Variants in NFE2L1 observed in about 807,000 individuals in gnomAD.
NFE2L1 encodes the protein NFE2 like bZIP transcription factor 1.
NFE2L1 carries 18 observed loss-of-function variants against 61.6 expected under a neutral mutation model. That is an observed-to-expected ratio of 0.29 (90% CI 0.20 to 0.43). The LOEUF is 0.43. Ranked by LOEUF, NFE2L1 falls within the 20% of genes least tolerant of loss-of-function variation. NFE2L1 has a pLI of 1.00. For missense variants in NFE2L1, 827 were observed against 973.5 expected (o/e 0.85, Z 2.00); for synonymous variants, 419 against 402.7 (o/e 1.04, Z -0.48).
chr17:48,060,042 C>CG lies in NFE2L1; in HGVS notation c.*401_*402insG, dbSNP rs1001314532. 1 of 146,712 alleles carries CG rather than the reference C, an allele frequency of 6.8e-6. No individual in the cohort carries two copies. The highest frequency in any genetic ancestry group is 1.5e-5 in the Non-Finnish European group (1 of 68,758). 9.1% of individuals were successfully genotyped at this position (146,712 alleles called of 1,614,324 possible). A position where few individuals can be genotyped will look rare whatever the true frequency, so the allele number is the denominator to read the frequency against. ...AGAAGGAAGGAAGGAAGGAACCCCC[C>CG]CCCCCCCGAAAAAAAAATCAAAGCG... On this transcript the variant is annotated 3_prime_UTR_variant, in exon 6 of 6. Transcript: ENST00000362042.
At position 48,055,626 on chromosome 17, in the gene NFE2L1, G is replaced by A. The variant is rs147114188; in HGVS notation, c.511-760G>A. On this transcript the variant is annotated intron_variant, in intron 2 of 5. Coordinates refer to ENST00000362042, the MANE Select transcript of NFE2L1 (RefSeq NM_003204.3). ...GTAGGGGACACAGTGAGGCTGGCCC[G>A]AGCAGGGGGTGGGGTGCACCCCTGG... Among the ~76,000 whole-genome samples, 127 of 152,068 alleles carry A rather than the reference G, an allele frequency of 8.4e-4. 3 individuals carry two copies. The East Asian group carries it at 0.019, about 23-fold the overall frequency.
chr17:48,051,769 G>T, intron 2 of NFE2L1, 141 bp downstream of exon 2: 1 of 1,069,632 alleles, frequency 9.3e-7, no homozygotes, highest in Admixed American at 2.8e-5. Flanking sequence ...GGGTAGGGAT[G>T]GGCTGAACTT....
chr17:48,052,329 T>G (rs1219789577), intron 2 of NFE2L1, among the ~76,000 whole-genome samples: 2 of 152,176 alleles, frequency 1.3e-5, no homozygotes, highest in Non-Finnish European at 2.9e-5. Flanking sequence ...AGCGATGCAG[T>G]TCTTTGCCTT....
intron 2 of NFE2L1, among the ~76,000 whole-genome samples, chr17:48,052,169 T>C (rs1006067114): frequency 6.6e-6 from 1 of 152,112 alleles, no homozygotes; most frequent in African/African-American, 2.4e-5. Context: ...GCTTCCAATC[T>C]TTGCAAAAGG....
At chr17:48,054,964 C>A in intron 2 of NFE2L1, 1 of 1,470,962 alleles carries the variant, frequency 6.8e-7, no homozygotes, top group Non-Finnish European at 9.0e-7. Flanking sequence ...GAGCTCCTTG[C>A]AGCCCCCTGT....
At position 48,060,971 on chromosome 17, in the gene NFE2L1, C is replaced by G. The variant is rs1373163962; in HGVS notation, c.*1330C>G. 1.3e-5 allele frequency: 2 copies of G among 152,652 alleles called. No individual in the cohort carries two copies. The highest frequency in any genetic ancestry group is 2.9e-5 in the Non-Finnish European group (2 of 68,048). The allele number at this position is 152,652 out of a possible 1,614,324, so 9.5% of individuals were successfully genotyped here. ...AACTGTGTGAACACTTGGGATTTTT[C>G]TCCTCTGTCCCGAGGTCGTCGTCTG... On this transcript the variant is annotated 3_prime_UTR_variant, in exon 6 of 6. Transcript: ENST00000362042.
At chr17:48,055,250 G>A (rs1456119180) in intron 2 of NFE2L1, 3 of 1,237,760 alleles carry the variant, frequency 2.4e-6, no homozygotes, top group Middle Eastern at 2.1e-4. Context: ...AGGGAGGAGG[G>A]TCTGATCTAA....
chr17:48,056,275 AGGG>A (rs1423273427), intron 2 of NFE2L1, 108 bp from the exon 3 acceptor site: 16 of 1,165,882 alleles, frequency 1.4e-5, no homozygotes, highest in Non-Finnish European at 2.0e-5. Context: ...AAGAGCTGGG[AGGG>A]GCCCCACCCA....
rs188994597 is a variant in NFE2L1, at chr17:48,056,208, A to G, written c.511-178A>G. 4.3e-3 allele frequency among the ~76,000 whole-genome samples: 647 copies of G among 151,670 alleles called. 5 individuals are homozygous for G. The highest frequency in any genetic ancestry group is 5.3e-3 in the Non-Finnish European group (361 of 67,904). ...TTTGTGGGAAGGGGATAGTGTCTGGAAGTAGATGAATGAACACTTGCTGGT... is the reference window on the plus strand; with the variant it reads ...TTTGTGGGAAGGGGATAGTGTCTGGGAGTAGATGAATGAACACTTGCTGGT... On this transcript the variant is annotated intron_variant, in intron 2 of 5. Coordinates refer to ENST00000362042, the MANE Select transcript of NFE2L1 (RefSeq NM_003204.3).
At chr17:48,055,208 G>A (rs2037368900) in intron 2 of NFE2L1, 3 of 1,285,618 alleles carry the variant, frequency 2.3e-6, no homozygotes, top group East Asian at 3.1e-5. Flanking sequence ...GGTCAGGGGG[G>A]GTTAATGGGA....
chr17:48,057,129 G>A lies in NFE2L1; in HGVS notation c.813+8G>A. The stretch of plus-strand genomic sequence containing the variant: ...TTTGGGGAGAATGCTGAGGTGAGCA[G>A]GACTCCAGTGAGAGTCCACCAAGTG... On this transcript the variant is annotated splice_region_variant and intron_variant, in intron 4 of 5. Coordinates refer to ENST00000362042, the MANE Select transcript of NFE2L1 (RefSeq NM_003204.3). 1 of 1,612,540 alleles carries A rather than the reference G, an allele frequency of 6.2e-7. No individual in the cohort carries two copies. The highest frequency in any genetic ancestry group is 8.5e-7 in the Non-Finnish European group (1 of 1,179,638).
Position 48,059,896 on chromosome 17 carries a change from G to T in NFE2L1, c.*255G>T. 2.1e-6 allele frequency: 1 copy of T among 483,472 alleles called. No homozygotes were observed. Among genetic ancestry groups the T allele is most frequent in the African/African-American group, 1.9e-5 (1 of 51,740 alleles). The allele number at this position is 483,472 out of a possible 1,614,324, so 29.9% of individuals were successfully genotyped here. On this transcript the variant is annotated 3_prime_UTR_variant, in exon 6 of 6. Transcript: ENST00000362042. The surrounding 1 kb of genome is among the most constrained non-coding windows in gnomAD (Gnocchi z 6.1). ...CCCTACCCCTTTCCTGTGAGGCAGG[G>T]GTGGTGGTGGAGTTGCTGGAGGTAG...
chr17:48,053,661 C>G (rs1271473980), intron 2 of NFE2L1, among the ~76,000 whole-genome samples: 1 of 152,188 alleles, frequency 6.6e-6, no homozygotes. Flanking sequence ...CATACTGTCT[C>G]TCTGACCTGA....
At chr17:48,056,771 G>C (rs766631174) in intron 3 of NFE2L1, among the ~76,000 whole-genome samples, 173 bp downstream of exon 3, 51 of 152,204 alleles carry the variant, frequency 3.4e-4, no homozygotes, top group Non-Finnish European at 6.2e-4. Flanking sequence ...CCTTGGAAGG[G>C]GGGAGTGGAA....
chr17:48,050,922 C>T lies in NFE2L1; in HGVS notation c.-197C>T. 1.6e-6 allele frequency: 1 copy of T among 637,864 alleles called. No individual in the cohort carries two copies. The highest frequency in any genetic ancestry group is 2.7e-6 in the Non-Finnish European group (1 of 364,450). The allele number at this position is 637,864 out of a possible 1,614,324, so 39.5% of individuals were successfully genotyped here. ...AAAGTGAATGTGGTCTGGAGTGTGT[C>T]CTTGGCCTTGGCTCCACAGGGTGTG... On this transcript the variant is annotated 5_prime_UTR_variant, in exon 2 of 6. Coordinates refer to ENST00000362042, the MANE Select transcript of NFE2L1 (RefSeq NM_003204.3).
At chr17:48,055,611 CAGTG>C (rs766252956) in intron 2 of NFE2L1, among the ~76,000 whole-genome samples, 3 of 151,494 alleles carry the variant, frequency 2.0e-5, no homozygotes, top group Admixed American at 1.3e-4. Flanking sequence ...GTAGGGGACA[CAGTG>C]AGGCTGGCCC....
At chr17:48,055,450 ACGAG>A (rs1321975573) in intron 2 of NFE2L1, among the ~76,000 whole-genome samples, 6 of 152,064 alleles carry the variant, frequency 3.9e-5, no homozygotes, top group Admixed American at 3.3e-4. Context: ...GCAACTGTTC[ACGAG>A]CCACCAGGGT....
At position 48,058,513 on chromosome 17, in the gene NFE2L1, C is replaced by T. The variant is rs1466269627; in HGVS notation, c.1191C>T (p.Ala397=). ...VASSSTLLPL[A]PSNSTSLNST... is the part of the protein sequence containing the mutation. ...GTAGCTCCACGCTGCTCCCGTTGGCCCCCAGCAATTCTACCAGCCTCAACT... is the reference window on the plus strand; with the variant it reads ...GTAGCTCCACGCTGCTCCCGTTGGCTCCCAGCAATTCTACCAGCCTCAACT... The change falls in exon 6 of 6, where the codon GCC becomes GCT. Residue 397 remains alanine (A), a synonymous_variant. Coordinates refer to ENST00000362042, the MANE Select transcript of NFE2L1 (RefSeq NM_003204.3). 6 of 1,612,992 alleles carry T rather than the reference C, an allele frequency of 3.7e-6. No individual in the cohort carries two copies. Among genetic ancestry groups the T allele is most frequent in the Non-Finnish European group, 4.2e-6 (5 of 1,179,458 alleles).
At chr17:48,056,175 TC>T in intron 2 of NFE2L1, 1 of 640,644 alleles carries the variant, frequency 1.6e-6, no homozygotes, top group South Asian at 1.8e-5. Context: ...TGCTAGTGGC[TC>T]TTTTTTTTTG....
Sources: gnomAD v4.1 joint callset for allele counts (sites outside exome capture counted in the v4.1 genomes callset) on GRCh38, gnomAD v4.1.1 for gene constraint, Gnocchi (gnomAD v3.1) non-coding constraint, MANE v1.5 for transcripts, NCBI Gene and HGNC (gene_info 2026-07-23, HGNC 2026-07-21) for gene names.